The following GPHN variants were observed in gnomAD, a reference collection of about 807,000 sequenced individuals.
GPHN encodes the protein gephyrin.
A neutral mutation model predicts 95.5 loss-of-function variants in GPHN; 17 were observed. That is an observed-to-expected ratio of 0.18 (90% CI 0.12 to 0.27). The LOEUF (loss-of-function observed/expected upper bound fraction) is 0.27. GPHN is among the 10% of genes least tolerant of loss of function. The pLI is 1.00. For synonymous variants in GPHN, 320 were observed against 322.5 expected, an observed-to-expected ratio of 0.99 and a Z score of 0.08; for missense variants, 660 against 978.1, an observed-to-expected ratio of 0.67 and a Z score of 4.34.
the GPHN span, among the ~76,000 whole-genome samples, chr14:67,306,513 T>TTGTGTG: frequency 2.1e-3 from 304 of 147,538 alleles, no homozygotes; most frequent in African/African-American, 7.0e-3. Flanking sequence ...CTGGCTGAAT[T>TTGTGTG]TGTGTGTGTG....
chr14:67,105,838 A>G (rs1029598770), intron 13 of GPHN, among the ~76,000 whole-genome samples: 2 of 152,028 alleles, frequency 1.3e-5, no homozygotes, highest in East Asian at 1.9e-4. Flanking sequence ...TAAGGTTATT[A>G]CTGATAGATG....
At chr14:67,073,136 A>G (rs558313737) in intron 11 of GPHN, among the ~76,000 whole-genome samples, 3 of 152,142 alleles carry the variant, frequency 2.0e-5, no homozygotes, top group Non-Finnish European at 4.4e-5. Context: ...AAAACTTAAC[A>G]GTTATTTTTA....
At chr14:66,877,460 T>A (rs995290496) in intron 4 of GPHN, among the ~76,000 whole-genome samples, 2 of 152,180 alleles carry the variant, frequency 1.3e-5, no homozygotes, top group Non-Finnish European at 2.9e-5. Context: ...TGTTTGCAGA[T>A]GACATGATTG....
At chr14:67,511,399 C>T in the GPHN span, among the ~76,000 whole-genome samples, 4 of 152,108 alleles carry the variant, frequency 2.6e-5, no homozygotes, top group South Asian at 2.1e-4. Flanking sequence ...ATGGAGCAGC[C>T]GGAAGGAGCA....
intron 2 of GPHN, among the ~76,000 whole-genome samples, chr14:66,763,110 C>CA (rs1395058067): frequency 1.3e-5 from 2 of 151,986 alleles, no homozygotes; most frequent in Non-Finnish European, 2.9e-5. Flanking sequence ...TGGGTTCCTC[C>CA]ACATCCATGG....
At chr14:67,699,494 G>T in the GPHN span, among the ~76,000 whole-genome samples, 8 of 151,226 alleles carry the variant, frequency 5.3e-5, no homozygotes, top group African/African-American at 1.2e-4. Flanking sequence ...GGAGGTTCAG[G>T]TGGGAGGATT....
At chr14:66,958,189 G>A (rs2068661749) in intron 8 of GPHN, among the ~76,000 whole-genome samples, 1 of 151,624 alleles carries the variant, frequency 6.6e-6, no homozygotes, top group South Asian at 2.1e-4. Flanking sequence ...TTTAATAATT[G>A]TTATGTCTTC....
At chr14:67,237,860 C>CA in the GPHN span, among the ~76,000 whole-genome samples, 10 of 152,186 alleles carry the variant, frequency 6.6e-5, no homozygotes, top group East Asian at 1.5e-3. Flanking sequence ...CGAGGATGAA[C>CA]AGCCCTTCTG....
intron 9 of GPHN, among the ~76,000 whole-genome samples, chr14:66,993,628 A>T (rs1175780303): frequency 6.6e-6 from 1 of 152,168 alleles, no homozygotes; most frequent in Non-Finnish European, 1.5e-5. Flanking sequence ...TCATACCTTA[A>T]AAATCTAAAT....
chr14:66,644,838 A>G (rs2064640307), intron 1 of GPHN, among the ~76,000 whole-genome samples: 1 of 152,170 alleles, frequency 6.6e-6, no homozygotes, highest in African/African-American at 2.4e-5. Context: ...TAAGTTTTTC[A>G]AAGTTTTGAA....
At chr14:67,568,313 A>G in the GPHN span, among the ~76,000 whole-genome samples, 6 of 152,098 alleles carry the variant, frequency 3.9e-5, no homozygotes, top group Admixed American at 3.9e-4. Context: ...ATGGAGCTGG[A>G]AGCCATTATC....
At chr14:67,658,892 G>A in the GPHN span, among the ~76,000 whole-genome samples, 1 of 152,112 alleles carries the variant, frequency 6.6e-6, no homozygotes, top group Admixed American at 6.6e-5. Context: ...ACTATAATCA[G>A]GATGCATCGT....
At chr14:67,373,782 C>G in the GPHN span, among the ~76,000 whole-genome samples, 2 of 151,800 alleles carry the variant, frequency 1.3e-5, no homozygotes, top group Non-Finnish European at 2.9e-5. Context: ...TGTTTAAGCA[C>G]CTAACATAGT....
the GPHN span, among the ~76,000 whole-genome samples, chr14:67,197,835 T>G: frequency 6.6e-6 from 1 of 152,174 alleles, no homozygotes; most frequent in Admixed American, 6.5e-5. Context: ...TCCAGCCCTA[T>G]ACTCTGGTCA....
intron 4 of GPHN, among the ~76,000 whole-genome samples, chr14:66,827,072 C>A (rs1369489905): frequency 1.3e-5 from 2 of 151,974 alleles, no homozygotes; most frequent in Admixed American, 1.3e-4. Flanking sequence ...TCAGTTGAGG[C>A]AAGGAGTTCA....
At chr14:66,808,690 A>G (rs1238124753) in intron 3 of GPHN, among the ~76,000 whole-genome samples, 1 of 152,168 alleles carries the variant, frequency 6.6e-6, no homozygotes, top group African/African-American at 2.4e-5. Context: ...GCAGCTTCTC[A>G]GGAGGCTGAG....
At chr14:66,793,201 C>T (rs1468707159) in intron 3 of GPHN, among the ~76,000 whole-genome samples, 4 of 152,222 alleles carry the variant, frequency 2.6e-5, no homozygotes, top group Non-Finnish European at 5.9e-5. Context: ...AACAGTAAAG[C>T]TAATTGTACA....
At chr14:66,545,803 G>T in intron 1 of GPHN, among the ~76,000 whole-genome samples, 1 of 148,608 alleles carries the variant, frequency 6.7e-6, no homozygotes, top group African/African-American at 2.5e-5. Flanking sequence ...CTTCCCAGTA[G>T]GGGCGGCTGG....
chr14:66,548,215 C>T (rs993786079), intron 1 of GPHN, among the ~76,000 whole-genome samples: 7 of 137,098 alleles, frequency 5.1e-5, no homozygotes, highest in South Asian at 2.3e-4. Context: ...GAGTCTCGCT[C>T]TGTCGCCCAG....
Sources: allele counts gnomAD v4.1 joint callset (sites outside exome capture counted in the v4.1 genomes callset), GRCh38; gene constraint gnomAD v4.1.1; transcripts MANE v1.5; gene names NCBI Gene and HGNC (gene_info 2026-07-23, HGNC 2026-07-21).